ABCA3: variants seen among roughly 807,000 people sequenced by gnomAD.
The protein encoded by ABCA3 is phospholipid-transporting ATPase ABCA3.
ABCA3 carries 88 observed loss-of-function variants against 172.8 expected under a neutral mutation model. The ratio of observed to expected loss-of-function variants is 0.51; its 90% CI spans 0.43 to 0.61. The LOEUF (loss-of-function observed/expected upper bound fraction) is 0.61, where lower values mean the gene tolerates loss of function less well. ABCA3 is among the 20% of genes least tolerant of loss of function. ABCA3 has a pLI of 0.00. For synonymous variants in ABCA3, 1,066 were observed against 983.8 expected, an observed-to-expected ratio of 1.08 and a Z score of -1.56; for missense variants, 2,164 against 2,301.0, an observed-to-expected ratio of 0.94 and a Z score of 1.22.
rs556151715 is a variant in ABCA3, at chr16:2,280,920, C to T, written c.4359+107G>A. ...CATGTGCTGGGCCCATTTCAAGCCA[C>T]AGATGCAGCAGCTGTTTGGGGACAG... On this transcript the variant is annotated intron_variant, in intron 28 of 32. Transcript: ENST00000301732. 4.4e-4 allele frequency: 647 copies of T among 1,458,308 alleles called. 2 individuals carry two copies. The highest frequency in any genetic ancestry group is 5.6e-4 in the Non-Finnish European group (593 of 1,050,626). 90.3% of individuals were successfully genotyped at this position (1,458,308 alleles called of 1,614,324 possible).
At chr16:2,330,824 G>A (rs551257109) in intron 1 of ABCA3, among the ~76,000 whole-genome samples, 116 of 149,408 alleles carry the variant, frequency 7.8e-4, no homozygotes, top group South Asian at 2.8e-3. Context: ...TCAGCCTCCC[G>A]AGTAGCTGGG....
At chr16:2,304,334 C>G (rs2093694150) in intron 11 of ABCA3, among the ~76,000 whole-genome samples, 184 bp from the exon 12 acceptor site, 2 of 152,040 alleles carry the variant, frequency 1.3e-5, no homozygotes, top group Non-Finnish European at 2.9e-5. Context: ...AAGATAAACT[C>G]AGGTTACAAA....
rs748937656 is a variant in ABCA3 at position 2,300,170 on chromosome 16, G to A, written c.1468-22C>T. 38 of 1,612,892 alleles carry A rather than the reference G, an allele frequency of 2.4e-5. No individual in the cohort carries two copies. The South Asian group carries it at 3.8e-4, about 16-fold the overall frequency. ...AGGGCTGGGAGGGAAGCAGACAGCT[G>A]TCAGTTTGTTTTGTTTGTGACGAGC... On this transcript the variant is annotated intron_variant, in intron 12 of 32. Transcript: ENST00000301732.
At chr16:2,323,463 T>C in intron 7 of ABCA3, 60 bp downstream of exon 7, 1 of 1,604,316 alleles carries the variant, frequency 6.2e-7, no homozygotes. Flanking sequence ...GCTGCCCCCA[T>C]ATGACTGTCA....
chr16:2,326,048 G>A lies in ABCA3; in HGVS notation c.281C>T (p.Thr94Ile). The A allele has an allele frequency of 6.2e-7, 1 of 1,614,098 alleles. No individual in the cohort carries two copies. Among genetic ancestry groups the A allele is most frequent in the Non-Finnish European group, 8.5e-7 (1 of 1,180,022 alleles). ...CACAAGTGCCCTGCGCACTGTCTCA[G>A]TGACGGTCTTGGCAGCGTCACTGTG... ...PSHSDAAKTV[T>I]ETVRRALVIN... The change falls in exon 5 of 33, where the codon ACT (threonine) becomes ATT (isoleucine). Residue 94 changes from threonine to isoleucine, a missense_variant. Transcript: ENST00000301732.
intron 17 of ABCA3, among the ~76,000 whole-genome samples, chr16:2,296,686 A>G (rs1444091120): frequency 6.6e-6 from 1 of 152,198 alleles, no homozygotes; most frequent in Non-Finnish European, 1.5e-5. Context: ...CCCTCTTGGT[A>G]ACAAAACCCT....
chr16:2,289,281 C>A (rs932920921), intron 20 of ABCA3, 153 bp downstream of exon 20: 3 of 865,242 alleles, frequency 3.5e-6, no homozygotes, highest in Non-Finnish European at 5.3e-6. Flanking sequence ...CCGACCCATG[C>A]GGTGTGAGCC....
chr16:2,277,806 G>C lies in ABCA3; in HGVS notation c.4909+73C>G. 1.9e-6 allele frequency: 3 copies of C among 1,597,070 alleles called. 1 individual carries two copies. In the South Asian group the frequency reaches 3.3e-5, roughly 18 times the overall value. On this transcript the variant is annotated intron_variant, in intron 31 of 32. Transcript: ENST00000301732. The surrounding 1 kb of genome is among the most constrained non-coding windows in gnomAD (Gnocchi z 5.3). ...TGGCGGGGCGAGGCACAGACGCTCC[G>C]CACAGCAGATGGGAGAGGCCTAGGT...
intron 10 of ABCA3, among the ~76,000 whole-genome samples, chr16:2,314,183 C>G (rs2093711148): frequency 6.6e-6 from 1 of 152,188 alleles, no homozygotes; most frequent in Non-Finnish European, 1.5e-5. Flanking sequence ...ATGTCCAGCA[C>G]AGCACACTCA....
In ABCA3 at chr16:2,289,557, G is replaced by A. The variant is rs768804371; in HGVS notation, c.2577C>T (p.Tyr859=). Residue 859 remains tyrosine (Y), a synonymous_variant, in exon 20 of 33, where the codon TAC becomes TAT. Coordinates refer to ENST00000301732, the MANE Select transcript of ABCA3 (RefSeq NM_001089.3). The stretch of plus-strand genomic sequence containing the variant: ...AGTCGCTGGCGCGCCTCTCGTGCTG[G>A]TACTGCAGGGCAGGGAGCTGGATGG... ...IQAIQLPALQ[Y]QHERRASDWA... The A allele has an allele frequency of 1.9e-6, 3 of 1,563,316 alleles. No individual in the cohort carries two copies. Among genetic ancestry groups the A allele is most frequent in the Non-Finnish European group, 2.6e-6 (3 of 1,154,340 alleles).
At position 2,328,620 on chromosome 16, in the gene ABCA3, G is replaced by T. The variant is rs1456867040; in HGVS notation, c.-194C>A. 4 of 506,400 alleles carry T rather than the reference G, an allele frequency of 7.9e-6. No individual in the cohort carries two copies. The highest frequency in any genetic ancestry group is 1.2e-5 in the Non-Finnish European group (3 of 254,024). 31.4% of individuals were successfully genotyped at this position (506,400 alleles called of 1,614,324 possible). A position where few individuals can be genotyped will look rare whatever the true frequency, so the allele number is the denominator to read the frequency against. ...CGATGGAGGAGGGGCAGTCTAGAGA[G>T]CCCCTGGTGCTGGTCCACTCGCTAC... On this transcript the variant is annotated 5_prime_UTR_variant, in exon 3 of 33. Transcript: ENST00000301732.
At position 2,340,585 on chromosome 16, in the gene ABCA3, CCGGGGCGG is replaced by C. The variant is rs1023398066; in HGVS notation, c.-559_-552del. 2.0e-5 allele frequency: 3 copies of C among 148,740 alleles called. No homozygotes were observed. The highest frequency in any genetic ancestry group is 7.3e-5 in the African/African-American group (3 of 41,082). 9.2% of individuals were successfully genotyped at this position (148,740 alleles called of 1,614,324 possible). ...CGGCGGCACTCACCGAGCCTGGGCG[CCGGGGCGG>C]CGGCGGCCGGCGCGCGGCCCTCTCG... is the stretch of plus-strand genomic sequence containing the variant. On this transcript the variant is annotated 5_prime_UTR_variant, in exon 1 of 33. Coordinates refer to ENST00000301732, the MANE Select transcript of ABCA3 (RefSeq NM_001089.3).
At chr16:2,310,187 C>A (rs1245271172) in intron 10 of ABCA3, among the ~76,000 whole-genome samples, 1 of 152,066 alleles carries the variant, frequency 6.6e-6, no homozygotes, top group African/African-American at 2.4e-5. Flanking sequence ...GGGCAGATCA[C>A]AAGGTCAAGA....
chr16:2,305,592 G>A lies in ABCA3; in HGVS notation c.1286-1442C>T, dbSNP rs112414028. 9.6e-3 allele frequency among the ~76,000 whole-genome samples: 1,454 copies of A among 152,194 alleles called. 9 individuals carry two copies. The highest frequency in any genetic ancestry group is 0.014 in the Middle Eastern group (4 of 288). On this transcript the variant is annotated intron_variant, in intron 11 of 32. Coordinates refer to ENST00000301732, the MANE Select transcript of ABCA3 (RefSeq NM_001089.3). ...TTACAGGCGTGAGCCACCGCGCCCC[G>A]CCAATTTTTGTATTTTTAGTAGAGA... is the stretch of plus-strand genomic sequence containing the variant.
Position 2,297,736 on chromosome 16 carries a change from A to G in ABCA3, c.2052+30T>C. ...GCCATCCCAGGTCGAGCAGGAGGGGAACCCACTGCCTCCAGTCCCACCGCC... is the reference window on the plus strand; with the variant it reads ...GCCATCCCAGGTCGAGCAGGAGGGGGACCCACTGCCTCCAGTCCCACCGCC... On this transcript the variant is annotated intron_variant, in intron 16 of 32. Coordinates refer to ENST00000301732, the MANE Select transcript of ABCA3 (RefSeq NM_001089.3). This position sits in a 1 kb window ranked among gnomAD's most constrained non-coding sequence, Gnocchi z 5.6. 6.2e-7 allele frequency: 1 copy of G among 1,606,896 alleles called. No individual in the cohort carries two copies.
At chr16:2,338,949 T>G (rs2093756143) in intron 1 of ABCA3, among the ~76,000 whole-genome samples, 1 of 151,878 alleles carries the variant, frequency 6.6e-6, no homozygotes, top group South Asian at 2.1e-4. Flanking sequence ...AAAGATGAGG[T>G]TTCGCCATGT....
chr16:2,332,099 T>C (rs2141748168), intron 1 of ABCA3, among the ~76,000 whole-genome samples: 1 of 152,282 alleles, frequency 6.6e-6, no homozygotes, highest in South Asian at 2.1e-4. Context: ...ATGGCACAAA[T>C]TCTTCTACAA....
At chr16:2,290,465 GGTGA>G (rs2093670311) in intron 19 of ABCA3, among the ~76,000 whole-genome samples, 1 of 152,160 alleles carries the variant, frequency 6.6e-6, no homozygotes, top group Admixed American at 6.6e-5. Context: ...TGGGCCGTGT[GGTGA>G]GTATGAGATG....
chr16:2,302,597 A>G (rs1955364709), intron 12 of ABCA3, among the ~76,000 whole-genome samples: 1 of 151,508 alleles, frequency 6.6e-6, no homozygotes, highest in African/African-American at 2.4e-5. Context: ...CTTCTGCCTC[A>G]GCCTCTCAAG....
Sources: gnomAD v4.1 joint callset for allele counts (sites outside exome capture counted in the v4.1 genomes callset) on GRCh38, gnomAD v4.1.1 for gene constraint, Gnocchi (gnomAD v3.1) non-coding constraint, MANE v1.5 for transcripts, NCBI Gene and HGNC (gene_info 2026-07-23, HGNC 2026-07-21) for gene names.